The following GANC variants were observed in gnomAD, a reference collection of about 807,000 sequenced individuals.
GANC encodes the protein neutral alpha-glucosidase C.
GANC carries 117 observed loss-of-function variants against 124.2 expected under a neutral mutation model. The observed-to-expected ratio is 0.94, with a 90% CI of 0.81 to 1.10. The LOEUF is 1.10. Among genes scored for constraint, GANC ranks in the 50% least tolerant of loss-of-function variants. GANC has a pLI of 0.00. For synonymous variants in GANC, 377 were observed against 376.8 expected, an observed-to-expected ratio of 1.00 and a Z score of -0.01; for missense variants, 1,140 against 1,095.0, an observed-to-expected ratio of 1.04 and a Z score of -0.58.
At chr15:42,338,832 G>A (rs1382297742) in intron 16 of GANC, among the ~76,000 whole-genome samples, 1 of 152,120 alleles carries the variant, frequency 6.6e-6, no homozygotes, top group Non-Finnish European at 1.5e-5. Flanking sequence ...AGAACTACAA[G>A]GAATTTAGCA....
At chr15:42,315,304 TAAAC>T (rs2052092673) in intron 10 of GANC, among the ~76,000 whole-genome samples, 1 of 152,054 alleles carries the variant, frequency 6.6e-6, no homozygotes. Flanking sequence ...AACAAAAAGA[TAAAC>T]AACCCAATTC....
At chr15:42,287,419 T>C (rs1286135691) in intron 3 of GANC, among the ~76,000 whole-genome samples, 2 of 152,226 alleles carry the variant, frequency 1.3e-5, no homozygotes, top group Non-Finnish European at 2.9e-5. Flanking sequence ...TAATTATTAA[T>C]AGAGACTTCT....
At chr15:42,283,245 A>G (rs931843416) in intron 3 of GANC, among the ~76,000 whole-genome samples, 3 of 152,244 alleles carry the variant, frequency 2.0e-5, no homozygotes, top group African/African-American at 7.2e-5. Context: ...GTTTTCTCAC[A>G]TAGGGTCCTA....
At chr15:42,284,363 A>G (rs1044972027) in intron 3 of GANC, 1 of 201,410 alleles carries the variant, frequency 5.0e-6, no homozygotes, top group African/African-American at 2.3e-5. Flanking sequence ...GATGTTTACA[A>G]AATATCTGGT....
At chr15:42,335,440 A>G (rs2052276572) in intron 15 of GANC, among the ~76,000 whole-genome samples, 1 of 152,224 alleles carries the variant, frequency 6.6e-6, no homozygotes, top group Non-Finnish European at 1.5e-5. Context: ...AACTCTCAGC[A>G]AACTAGGTAC....
chr15:42,331,613 G>A (rs1016495990), intron 15 of GANC, among the ~76,000 whole-genome samples: 1 of 152,152 alleles, frequency 6.6e-6, no homozygotes, highest in East Asian at 1.9e-4. Flanking sequence ...TGGCCCTGTG[G>A]CATTCTGGAA....
rs928736329 is a variant in GANC at position 42,321,944 on chromosome 15, G to A, written c.1217G>A (p.Arg406Lys). 9.9e-6 allele frequency: 16 copies of A among 1,614,136 alleles called. No individual in the cohort carries two copies. The highest frequency in any genetic ancestry group is 1.4e-5 in the Non-Finnish European group (16 of 1,180,032). The change falls in exon 11 of 24, where the codon AGG becomes AAG. Residue 406 changes from arginine to lysine, a missense_variant. Arg to Lys is a conservative substitution (Grantham distance 26). Transcript: ENST00000318010. ...GACATAGAGCACACTGAGGGCAAGA[G>A]GTACTTCACCTGGGACAAAAACAGA... Reference protein sequence around the residue: ...WLDIEHTEGKRYFTWDKNRFP... With the variant: ...WLDIEHTEGKKYFTWDKNRFP...
intron 20 of GANC, among the ~76,000 whole-genome samples, chr15:42,346,802 C>T (rs1261804890): frequency 6.6e-6 from 1 of 152,134 alleles, no homozygotes. Context: ...TCCATCCAGG[C>T]TATCTTGAGT....
At chr15:42,330,255 C>T (rs2052231757) in intron 14 of GANC, among the ~76,000 whole-genome samples, 1 of 152,190 alleles carries the variant, frequency 6.6e-6, no homozygotes, top group South Asian at 2.1e-4. Flanking sequence ...CCAATGAAAA[C>T]TGTCTGTCTC....
At chr15:42,312,748 G>A (rs1053890195) in intron 10 of GANC, among the ~76,000 whole-genome samples, 1 of 152,136 alleles carries the variant, frequency 6.6e-6, no homozygotes, top group African/African-American at 2.4e-5. Flanking sequence ...AGACCAGCCT[G>A]ACCAACATGG....
chr15:42,287,666 G>GGTTT, intron 3 of GANC, 25 bp from the exon 4 acceptor site: 1 of 1,601,330 alleles, frequency 6.2e-7, no homozygotes, highest in Non-Finnish European at 8.5e-7. Flanking sequence ...ACCTGTTGAA[G>GGTTT]GTAATCTCTT....
chr15:42,305,318 A>G (rs943689061), intron 6 of GANC, among the ~76,000 whole-genome samples: 10 of 152,248 alleles, frequency 6.6e-5, no homozygotes, highest in Admixed American at 1.3e-4. Context: ...CTCTGAAAAG[A>G]AGACATTTAT....
At chr15:42,280,585 A>C (rs1159991264) in intron 3 of GANC, among the ~76,000 whole-genome samples, 4 of 152,138 alleles carry the variant, frequency 2.6e-5, no homozygotes, top group African/African-American at 9.7e-5. Flanking sequence ...AGATGTCAAG[A>C]ACCTTTCTGT....
At chr15:42,294,978 T>TG (rs924695575) in intron 5 of GANC, among the ~76,000 whole-genome samples, 1 of 148,902 alleles carries the variant, frequency 6.7e-6, no homozygotes, top group Non-Finnish European at 1.5e-5. Flanking sequence ...TGTAGTTTTT[T>TG]TTTTTTTTTT....
rs535472070 is a variant in GANC, at chr15:42,273,337, G to A, written c.-1145G>A. 20 of 1,614,140 alleles carry A rather than the reference G, an allele frequency of 1.2e-5. No individual in the cohort carries two copies. In the East Asian group the frequency reaches 3.6e-4, roughly 29 times the overall value. ...CGCACTGAAAAACGACAGTGGTGAC[G>A]GGTGAGCTCCCAGAAGCAGAAGAAT... On this transcript the variant is annotated 5_prime_UTR_variant, in exon 1 of 24. Transcript: ENST00000318010.
rs377338968 is a variant in GANC, at chr15:42,273,644, G to T, written c.-838G>T. 1.6e-5 allele frequency: 9 copies of T among 566,058 alleles called. No homozygotes were observed. Among genetic ancestry groups the T allele is most frequent in the Admixed American group, 6.3e-5 (2 of 31,926 alleles). The allele number at this position is 566,058 out of a possible 1,614,324, so 35.1% of individuals were successfully genotyped here. A position where few individuals can be genotyped will look rare whatever the true frequency, so the allele number is the denominator to read the frequency against. On this transcript the variant is annotated 5_prime_UTR_variant, in exon 1 of 24. Coordinates refer to ENST00000318010, the MANE Select transcript of GANC (RefSeq NM_198141.3). ...GGGTTAGAGAGATCGCTACATGCCA[G>T]CCTGGCCTGAGTCTTTTCTGTCTCC...
chr15:42,336,813 G>A (rs1048762070), intron 15 of GANC, among the ~76,000 whole-genome samples: 2 of 152,152 alleles, frequency 1.3e-5, no homozygotes, highest in African/African-American at 4.8e-5. Context: ...CCATTAAAAA[G>A]TGGGCAAAGA....
intron 2 of GANC, among the ~76,000 whole-genome samples, chr15:42,277,529 TAA>T (rs76243637): frequency 3.6e-5 from 5 of 139,542 alleles, no homozygotes. Flanking sequence ...AAACTCCGTC[TAA>T]AAAAAAAAAA....
Position 42,274,306 on chromosome 15 carries a change from A to G in GANC, c.-176A>G, listed in dbSNP as rs1170873282. The G allele has an allele frequency of 4.5e-6, 3 of 664,642 alleles. No individual in the cohort carries two copies. Among genetic ancestry groups the G allele is most frequent in the Non-Finnish European group, 7.8e-6 (3 of 385,896 alleles). The allele number at this position is 664,642 out of a possible 1,614,324, so 41.2% of individuals were successfully genotyped here. ...CGCTAGTTTGGGCCTGAAAAATTCC[A>G]GGAGCAAGAGTCAAGATTTGTCACT... On this transcript the variant is annotated 5_prime_UTR_variant, in exon 1 of 24. Coordinates refer to ENST00000318010, the MANE Select transcript of GANC (RefSeq NM_198141.3).
Sources: gnomAD v4.1 joint callset for allele counts (sites outside exome capture counted in the v4.1 genomes callset) on GRCh38, gnomAD v4.1.1 for gene constraint, MANE v1.5 for transcripts, NCBI Gene and HGNC (gene_info 2026-07-23, HGNC 2026-07-21) for gene names.